The following PTCH2 variants were observed in gnomAD, a reference collection of about 807,000 sequenced individuals.
PTCH2 encodes patched 2, also known as protein patched homolog 2.
PTCH2 carries 96 observed loss-of-function variants against 117.9 expected under a neutral mutation model. The ratio of observed to expected loss-of-function variants is 0.81; its 90% CI spans 0.69 to 0.96. The LOEUF is 0.96. PTCH2 is among the 50% of genes least tolerant of loss of function. The pLI, the probability that PTCH2 is intolerant of heterozygous loss-of-function variation, is 0.00. For synonymous variants in PTCH2, 615 were observed against 660.9 expected (o/e 0.93, Z 1.06); for missense variants, 1,379 against 1,562.5 (o/e 0.88, Z 1.98).
At chr1:44,822,697 C>G (rs1465597771) in intron 21 of PTCH2, 28 bp from the exon 22 acceptor site, 1 of 1,611,028 alleles carries the variant, frequency 6.2e-7, no homozygotes, top group South Asian at 1.1e-5. Flanking sequence ...CCCCAGTAAG[C>G]CCACGGGCCC....
rs977233682 is a variant in PTCH2 at position 44,827,614 on chromosome 1, C to A, written c.2159G>T (p.Gly720Val). ...GCTCAGGAAGGCATGCTCCTTGGTG[C>A]CCCGAGGCACCACATCCGTCAGGGC... ...GLALTDVVPR[G>V]TKEHAFLSAQ... Residue 720 changes from glycine to valine, a missense_variant, in exon 15 of 22, where the codon GGC becomes GTC. Gly to Val is a moderately radical substitution (Grantham distance 109, BLOSUM62 -3). Transcript: ENST00000372192. 4 of 1,613,724 alleles carry A rather than the reference C, an allele frequency of 2.5e-6. No homozygotes were observed. The highest frequency in any genetic ancestry group is 2.5e-6 in the Non-Finnish European group (3 of 1,180,038).
At chr1:44,836,707 G>C (rs1007550877) in intron 2 of PTCH2, among the ~76,000 whole-genome samples, 1 of 151,096 alleles carries the variant, frequency 6.6e-6, no homozygotes, top group Non-Finnish European at 1.5e-5. Flanking sequence ...TCTGTCTCGG[G>C]GGATGGAAAA....
chr1:44,835,572 G>C (rs1002964445), intron 2 of PTCH2, among the ~76,000 whole-genome samples: 1 of 152,148 alleles, frequency 6.6e-6, no homozygotes, highest in Admixed American at 6.5e-5. Flanking sequence ...ACTCTTCGGG[G>C]GAAAGCAACA....
chr1:44,819,937 T>C (rs576900913), downstream of PTCH2: 76 of 153,438 alleles, frequency 5.0e-4, no homozygotes, highest in South Asian at 3.7e-3. Context: ...CAACTTTCTC[T>C]CCACGGAAAT....
rs752536604 is a variant in PTCH2, at chr1:44,826,863, C to A, written c.2695+39G>T. On this transcript the variant is annotated intron_variant, in intron 17 of 21. Coordinates refer to ENST00000372192, the MANE Select transcript of PTCH2 (RefSeq NM_003738.5). This position sits in a 1 kb window ranked among gnomAD's most constrained non-coding sequence, Gnocchi z 5.1. ...GCCTCAGGCTCAGGGCTTGTGTGGG[C>A]GAGGCTGAGGCTCTTGCCGAGCTCC... 6.2e-7 allele frequency: 1 copy of A among 1,613,326 alleles called. No individual in the cohort carries two copies. Among genetic ancestry groups the A allele is most frequent in the Non-Finnish European group, 8.5e-7 (1 of 1,179,636 alleles).
intron 1 of PTCH2, among the ~76,000 whole-genome samples, chr1:44,842,261 T>G (rs1653980861): frequency 6.6e-6 from 1 of 151,192 alleles, no homozygotes; most frequent in African/African-American, 2.4e-5. Context: ...TTCTTTTCTT[T>G]TTGTTTTCTC....
Position 44,827,292 on chromosome 1 carries a change from C to T in PTCH2, c.2389G>A (p.Asp797Asn), listed in dbSNP as rs760109351. ...NWLQGIQAAF[D>N]QDWASGRITR... ...ATGCGCCCAGAAGCCCAGTCCTGGT[C>T]AAAGGCAGCCTGGATTCCTGGGGGA... The change falls in exon 16 of 22, where the codon GAC becomes AAC. Residue 797 changes from aspartate (D) to asparagine (N), a missense_variant. Transcript: ENST00000372192. 26 of 1,613,824 alleles carry T rather than the reference C, an allele frequency of 1.6e-5. No individual in the cohort carries two copies. The highest frequency in any genetic ancestry group is 2.2e-5 in the Non-Finnish European group (26 of 1,180,032).
intron 2 of PTCH2, among the ~76,000 whole-genome samples, chr1:44,837,018 C>G (rs1172726286): frequency 6.6e-6 from 1 of 152,184 alleles, no homozygotes; most frequent in Non-Finnish European, 1.5e-5. Context: ...GACACTGCAG[C>G]AGCCACTTTG....
intron 2 of PTCH2, among the ~76,000 whole-genome samples, chr1:44,834,106 A>G (rs949546548): frequency 3.4e-5 from 5 of 145,350 alleles, no homozygotes; most frequent in African/African-American, 1.3e-4. Context: ...TGCTCCCCAC[A>G]CTGCCAGTTC....
rs1233655313 is a variant in PTCH2 at position 44,829,629 on chromosome 1, C to A, written c.1068G>T (p.Gln356His). The change falls in exon 8 of 22, where the codon CAG (glutamine) becomes CAT (histidine). Residue 356 changes from glutamine (Q) to histidine (H), a missense_variant. Physicochemically the swap from Gln to His is conservative, Grantham distance 24 (BLOSUM62 0). Transcript: ENST00000372192. ...CCATACCGACCTGCACAAAGCGCCGCTGCCAGGCTTGTAGCACTGTGCTGG... is the reference window on the plus strand; with the variant it reads ...CCATACCGACCTGCACAAAGCGCCGATGCCAGGCTTGTAGCACTGTGCTGG... ...EQASTVLQAW[Q>H]RRFVQLAQEA... The A allele has an allele frequency of 6.2e-7, 1 of 1,614,258 alleles. No homozygotes were observed. Among genetic ancestry groups the A allele is most frequent in the Admixed American group, 1.7e-5 (1 of 60,038 alleles).
chr1:44,840,987 G>A (rs1032113222), intron 2 of PTCH2, among the ~76,000 whole-genome samples: 2 of 151,804 alleles, frequency 1.3e-5, no homozygotes, highest in African/African-American at 4.8e-5. Context: ...CCTGAGCCCT[G>A]GAGGTCTAGG....
chr1:44,831,812 C>A lies in PTCH2; in HGVS notation c.526-15G>T. ...TTCTCAATCATCTGCCAGGGATACC[C>A]CGGGCCACGTCAGTCCTGCCCCACA... On this transcript the variant is annotated splice_polypyrimidine_tract_variant and intron_variant, in intron 4 of 21. Transcript: ENST00000372192. This position sits in a 1 kb window ranked among gnomAD's most constrained non-coding sequence, Gnocchi z 4.3. 1.9e-6 allele frequency: 3 copies of A among 1,611,088 alleles called. No individual in the cohort carries two copies. Among genetic ancestry groups the A allele is most frequent in the Non-Finnish European group, 8.5e-7 (1 of 1,178,336 alleles).
rs566196747 is a variant in PTCH2, at chr1:44,836,354, G to A, written c.266-4013C>T. Reference sequence around the variant, plus strand: ...AGATCAGGCATGGTGGCTCATGCCTGTAACCCCAGCACTTCAGGAGGCCAA... The same window carrying A: ...AGATCAGGCATGGTGGCTCATGCCTATAACCCCAGCACTTCAGGAGGCCAA... On this transcript the variant is annotated intron_variant, in intron 2 of 21. Coordinates refer to ENST00000372192, the MANE Select transcript of PTCH2 (RefSeq NM_003738.5). 1.1e-4 allele frequency among the ~76,000 whole-genome samples: 16 copies of A among 152,320 alleles called. 1 individual carries two copies. Among genetic ancestry groups the A allele is most frequent in the Admixed American group, 9.8e-4 (15 of 15,294 alleles).
chr1:44,830,267 G>C (rs375945521), intron 6 of PTCH2, among the ~76,000 whole-genome samples: 1 of 152,098 alleles, frequency 6.6e-6, no homozygotes, highest in Admixed American at 6.6e-5. Context: ...GGTGTAACTG[G>C]CGGATTCTGA....
chr1:44,823,443 A>G lies in PTCH2; in HGVS notation c.3115-58T>C. On this transcript the variant is annotated intron_variant, in intron 19 of 21. Transcript: ENST00000372192. This position sits in a 1 kb window ranked among gnomAD's most constrained non-coding sequence, Gnocchi z 5.1. ...TCTGCCAGTCATGGCCAGCTCAGCCATGTCCCGAGCTGTATCTGTCTTCAG... is the reference window on the plus strand; with the variant it reads ...TCTGCCAGTCATGGCCAGCTCAGCCGTGTCCCGAGCTGTATCTGTCTTCAG... 1.2e-6 allele frequency: 2 copies of G among 1,611,986 alleles called. No individual in the cohort carries two copies.
intron 2 of PTCH2, among the ~76,000 whole-genome samples, chr1:44,836,637 G>A (rs941154467): frequency 2.0e-5 from 3 of 151,976 alleles, no homozygotes; most frequent in East Asian, 3.9e-4. Context: ...CCCAGGAGGC[G>A]GAGGTTGCAG....
intron 1 of PTCH2, 71 bp downstream of exon 1, chr1:44,842,790 A>G (rs1046277224): frequency 1.4e-6 from 2 of 1,436,590 alleles, no homozygotes; most frequent in Admixed American, 2.0e-5. Flanking sequence ...AAGACATCAC[A>G]AACCTTGCAG....
Position 44,827,530 on chromosome 1 carries a change from T to G in PTCH2, c.2243A>C (p.Asp748Ala). 2.5e-6 allele frequency: 4 copies of G among 1,613,998 alleles called. No homozygotes were observed. The highest frequency in any genetic ancestry group is 3.4e-6 in the Non-Finnish European group (4 of 1,179,992). Residue 748 changes from aspartate to alanine, a missense_variant, in exon 15 of 22, where the codon GAC becomes GCC. Transcript: ENST00000372192. Reference sequence around the variant, plus strand: ...GAGGGCGCGTTGGGAGTGGGCGTAGTCAAAGCCACCCTGGGTCACCAGGGC... The same window carrying G: ...GAGGGCGCGTTGGGAGTGGGCGTAGGCAAAGCCACCCTGGGTCACCAGGGC... ...EVALVTQGGF[D>A]YAHSQRALFD...
chr1:44,828,781 T>G, intron 11 of PTCH2, 150 bp from the exon 12 acceptor site: 1 of 1,280,170 alleles, frequency 7.8e-7, no homozygotes, highest in Non-Finnish European at 1.1e-6. Flanking sequence ...GTACGTATGA[T>G]GGGCTGTTCT....
Sources: gnomAD v4.1 joint callset for allele counts (sites outside exome capture counted in the v4.1 genomes callset) on GRCh38, gnomAD v4.1.1 for gene constraint, Gnocchi (gnomAD v3.1) non-coding constraint, MANE v1.5 for transcripts, NCBI Gene and HGNC (gene_info 2026-07-23, HGNC 2026-07-21) for gene names.